Variants in ITPR2 observed in about 807,000 individuals in gnomAD.
ITPR2 encodes the protein inositol 1,4,5-trisphosphate receptor type 2.
ITPR2 carries 207 observed loss-of-function variants against 317.1 expected under a neutral mutation model. That is an observed-to-expected ratio of 0.65 (90% CI 0.58 to 0.73). The LOEUF is 0.73. Among genes scored for constraint, ITPR2 ranks in the 30% least tolerant of loss-of-function variants. ITPR2 has a pLI of 0.00. For synonymous variants in ITPR2, 1,156 were observed against 1,149.1 expected (o/e 1.01, Z -0.12); for missense variants, 2,613 against 3,284.0 (o/e 0.80, Z 4.99).
At chr12:26,766,758 C>G (rs563166096) in intron 2 of ITPR2, among the ~76,000 whole-genome samples, 1 of 152,106 alleles carries the variant, frequency 6.6e-6, no homozygotes, top group Non-Finnish European at 1.5e-5. Flanking sequence ...TTAGTTCTTA[C>G]GCTGAGGTCT....
chr12:26,608,769 A>G (rs1333760286), intron 26 of ITPR2, among the ~76,000 whole-genome samples: 2 of 145,298 alleles, frequency 1.4e-5, no homozygotes, highest in African/African-American at 5.1e-5. Flanking sequence ...TTTTGACACT[A>G]AAGTTTACTT....
intron 2 of ITPR2, among the ~76,000 whole-genome samples, chr12:26,767,966 T>C (rs529479050): frequency 1.1e-4 from 17 of 152,258 alleles, no homozygotes; most frequent in African/African-American, 3.8e-4. Flanking sequence ...AAAATAGGCT[T>C]TCTCTTGCTC....
intron 55 of ITPR2, among the ~76,000 whole-genome samples, chr12:26,385,590 T>C (rs1267992743): frequency 6.6e-6 from 1 of 152,232 alleles, no homozygotes; most frequent in Admixed American, 6.5e-5. Context: ...CAAATGCCTC[T>C]ACCTTTTTTA....
intron 5 of ITPR2, among the ~76,000 whole-genome samples, chr12:26,718,744 G>A (rs1328794412): frequency 3.3e-5 from 5 of 151,914 alleles, no homozygotes; most frequent in African/African-American, 1.2e-4. Flanking sequence ...CAAGTAGCTG[G>A]GATCACACGT....
intron 34 of ITPR2, among the ~76,000 whole-genome samples, chr12:26,573,419 A>C (rs1161255193): frequency 6.6e-6 from 1 of 152,200 alleles, no homozygotes. Context: ...CCAGTGGTGA[A>C]GAAAGGAAAG....
At position 26,572,166 on chromosome 12, in the gene ITPR2, T is replaced by A. The variant is rs188671647; in HGVS notation, c.4630+6547A>T. On this transcript the variant is annotated intron_variant, in intron 34 of 56. Coordinates refer to ENST00000381340, the MANE Select transcript of ITPR2 (RefSeq NM_002223.4). ...AGTGCCTCTGTGTGTTTTTAAAGAA[T>A]TGCTGAAACACAAAAATAATTTTGC... is the stretch of plus-strand genomic sequence containing the variant. Among the ~76,000 whole-genome samples, 138 of 152,274 alleles carry A rather than the reference T, an allele frequency of 9.1e-4. No homozygotes were observed. The Middle Eastern group carries it at 0.037, about 41-fold the overall frequency.
chr12:26,443,433 C>T (rs1231749922), intron 46 of ITPR2, 110 bp downstream of exon 46: 2 of 740,718 alleles, frequency 2.7e-6, no homozygotes, highest in Non-Finnish European at 4.4e-6. Context: ...TCAGTTTAAA[C>T]CACTCACTTC....
chr12:26,638,993 T>G (rs1946921385), intron 21 of ITPR2, among the ~76,000 whole-genome samples: 1 of 152,220 alleles, frequency 6.6e-6, no homozygotes, highest in Non-Finnish European at 1.5e-5. Flanking sequence ...AACACTCATT[T>G]TCACCTAGGC....
At chr12:26,751,637 A>AG (rs1217435175) in intron 2 of ITPR2, among the ~76,000 whole-genome samples, 1 of 152,160 alleles carries the variant, frequency 6.6e-6, no homozygotes, top group Non-Finnish European at 1.5e-5. Context: ...TGGGAGGCTG[A>AG]GGGGGCGGAT....
At chr12:26,484,151 A>ATATATACATATATGTG (rs1942608251) in intron 41 of ITPR2, among the ~76,000 whole-genome samples, 3 of 150,482 alleles carry the variant, frequency 2.0e-5, no homozygotes, top group South Asian at 4.2e-4. Context: ...GTATATATGT[A>ATATATACATATATGTG]TATATGTATA....
intron 55 of ITPR2, among the ~76,000 whole-genome samples, chr12:26,378,929 C>G (rs1233835433): frequency 6.6e-6 from 1 of 152,162 alleles, no homozygotes; most frequent in African/African-American, 2.4e-5. Context: ...GTCTCCTAGC[C>G]AGGTCTACTC....
intron 21 of ITPR2, among the ~76,000 whole-genome samples, chr12:26,643,904 C>G (rs1947050154): frequency 6.6e-6 from 1 of 152,144 alleles, no homozygotes; most frequent in Non-Finnish European, 1.5e-5. Context: ...CTCAGCCTAT[C>G]CATATTGAAA....
intron 1 of ITPR2, among the ~76,000 whole-genome samples, chr12:26,828,497 C>T (rs888407499): frequency 1.2e-4 from 19 of 152,206 alleles, no homozygotes; most frequent in Middle Eastern, 3.4e-3. Flanking sequence ...CCAAGCATGA[C>T]GGACCATTAA....
intron 21 of ITPR2, among the ~76,000 whole-genome samples, chr12:26,636,355 C>T (rs954109627): frequency 6.6e-6 from 1 of 152,116 alleles, no homozygotes; most frequent in Non-Finnish European, 1.5e-5. Flanking sequence ...TATTGCAGTC[C>T]CCCTCTCCAA....
rs549552808 is a variant in ITPR2, at chr12:26,669,383, G to T, written c.1410-3332C>A. 2.0e-5 allele frequency among the ~76,000 whole-genome samples: 3 copies of T among 152,270 alleles called. No individual in the cohort carries two copies. The South Asian group carries it at 6.2e-4, about 31-fold the overall frequency. ...GGAAAAAGACAAAGAAGCAATATTT[G>T]CAGGAAAACGGCTGAAAATTTCCAA... On this transcript the variant is annotated intron_variant, in intron 13 of 56. Transcript: ENST00000381340.
intron 45 of ITPR2, among the ~76,000 whole-genome samples, chr12:26,454,486 G>GT (rs772662177): frequency 6.6e-6 from 1 of 152,154 alleles, no homozygotes; most frequent in African/African-American, 2.4e-5. Context: ...GATTACAGGC[G>GT]TAAGCCACCA....
chr12:26,486,912 G>A (rs763742337), intron 40 of ITPR2, 156 bp downstream of exon 40: 1 of 753,058 alleles, frequency 1.3e-6, no homozygotes, highest in South Asian at 1.4e-5. Flanking sequence ...AGCCGTTTTA[G>A]GGTCACCCCA....
At chr12:26,441,032 G>A (rs182067383) in intron 46 of ITPR2, among the ~76,000 whole-genome samples, 19 of 152,244 alleles carry the variant, frequency 1.2e-4, no homozygotes, top group African/African-American at 4.3e-4. Flanking sequence ...CAACAGGTAA[G>A]AGCTTGTAGT....
At chr12:26,543,474 T>C (rs115103941) in intron 37 of ITPR2, among the ~76,000 whole-genome samples, 2,306 of 151,942 alleles carry the variant, frequency 0.015, 56 homozygotes, top group African/African-American at 0.051. Context: ...GCTTTAAGGA[T>C]AGAGAATTTT....
Sources: allele counts gnomAD v4.1 joint callset (sites outside exome capture counted in the v4.1 genomes callset), GRCh38; gene constraint gnomAD v4.1.1; transcripts MANE v1.5; gene names NCBI Gene and HGNC (gene_info 2026-07-23, HGNC 2026-07-21).